PPP1R16B: variants seen among roughly 807,000 people sequenced by gnomAD.
The protein encoded by PPP1R16B is protein phosphatase 1 regulatory inhibitor subunit 16B.
In PPP1R16B, 14 loss-of-function variants were observed where a neutral mutation model predicts 61.7. The ratio of observed to expected loss-of-function variants is 0.23; its 90% CI spans 0.15 to 0.35. The LOEUF is 0.35. Among genes scored for constraint, PPP1R16B ranks in the 10% least tolerant of loss-of-function variants. The pLI, the probability that PPP1R16B is intolerant of heterozygous loss-of-function variation, is 1.00. For synonymous variants in PPP1R16B, 266 were observed against 305.3 expected, an observed-to-expected ratio of 0.87 and a Z score of 1.34; for missense variants, 547 against 752.5, an observed-to-expected ratio of 0.73 and a Z score of 3.19.
intron 1 of PPP1R16B, among the ~76,000 whole-genome samples, chr20:38,807,642 T>C (rs1055786326): frequency 1.3e-5 from 2 of 152,136 alleles, no homozygotes; most frequent in Non-Finnish European, 2.9e-5. Context: ...CTCTCCCACC[T>C]GTCACCCAAA....
intron 1 of PPP1R16B, among the ~76,000 whole-genome samples, chr20:38,810,846 A>G (rs2084696244): frequency 6.6e-6 from 1 of 152,050 alleles, no homozygotes; most frequent in Admixed American, 6.6e-5. Context: ...AGTGACAGGA[A>G]CTCACGTCTT....
intron 1 of PPP1R16B, among the ~76,000 whole-genome samples, chr20:38,828,213 G>T (rs1213605580): frequency 6.6e-6 from 1 of 152,140 alleles, no homozygotes; most frequent in Non-Finnish European, 1.5e-5. Context: ...ACAAAGCCTG[G>T]GCCCGCTTCT....
At chr20:38,916,993 A>G (rs1046718598) in intron 10 of PPP1R16B, among the ~76,000 whole-genome samples, 3 of 152,138 alleles carry the variant, frequency 2.0e-5, no homozygotes, top group African/African-American at 7.2e-5. Flanking sequence ...TTGGGTAGAT[A>G]GGCTTTTAAA....
At chr20:38,865,359 G>A (rs938451503) in intron 2 of PPP1R16B, among the ~76,000 whole-genome samples, 1 of 149,936 alleles carries the variant, frequency 6.7e-6, no homozygotes, top group East Asian at 2.0e-4. Context: ...GCGCGATCTC[G>A]GCTCACTGCG....
chr20:38,918,170 A>G lies in PPP1R16B; in HGVS notation c.1208A>G (p.Glu403Gly). ...TCTCACTCGCAGAACCCCAGGCTGG[A>G]GAAGCCCGTGCTACTCTCCGAATTT... is the stretch of plus-strand genomic sequence containing the variant. ...QENKDPNPRL[E>G]KPVLLSEFPT... The change falls in exon 11 of 11, where the codon GAG becomes GGG. Residue 403 changes from glutamate (E) to glycine (G), a missense_variant. Glu to Gly is a moderately conservative substitution (Grantham distance 98). Transcript: ENST00000299824. The surrounding 1 kb of genome is among the most constrained non-coding windows in gnomAD (Gnocchi z 5.3). 1.2e-6 allele frequency: 2 copies of G among 1,613,882 alleles called. No individual in the cohort carries two copies. The highest frequency in any genetic ancestry group is 8.5e-7 in the Non-Finnish European group (1 of 1,179,754).
rs371909606 is a variant in PPP1R16B at position 38,869,950 on chromosome 20, G to T, written c.251-19645G>T. Among the ~76,000 whole-genome samples the T allele has an allele frequency of 1.7e-4, 26 of 151,396 alleles. No homozygotes were observed. In the East Asian group the frequency reaches 3.5e-3, roughly 20 times the overall value. ...TATTTTTTTTTTTTTTTAAGACACG[G>T]TCTCTCTCTGTCGCCCAGGCTGGAA... On this transcript the variant is annotated intron_variant, in intron 2 of 10. Coordinates refer to ENST00000299824, the MANE Select transcript of PPP1R16B (RefSeq NM_015568.4).
chr20:38,828,817 C>T (rs887816709), intron 1 of PPP1R16B, among the ~76,000 whole-genome samples: 3 of 152,212 alleles, frequency 2.0e-5, no homozygotes, highest in Non-Finnish European at 4.4e-5. Context: ...AGATCACCAC[C>T]AAACCAGTGC....
chr20:38,856,043 T>C (rs536033861), intron 2 of PPP1R16B, among the ~76,000 whole-genome samples: 1 of 145,576 alleles, frequency 6.9e-6, no homozygotes, highest in East Asian at 2.1e-4. Context: ...CCCTTGATGG[T>C]TCCAAACTGA....
intron 1 of PPP1R16B, among the ~76,000 whole-genome samples, chr20:38,808,093 C>A (rs1326967151): frequency 1.3e-5 from 2 of 152,194 alleles, no homozygotes; most frequent in South Asian, 2.1e-4. Flanking sequence ...AAGCCAGAAC[C>A]TTTCTCCTTT....
intron 2 of PPP1R16B, among the ~76,000 whole-genome samples, chr20:38,858,356 G>C (rs2085022829): frequency 6.6e-6 from 1 of 151,892 alleles, no homozygotes; most frequent in African/African-American, 2.4e-5. Flanking sequence ...TTTGTGTCCT[G>C]GGTGGACACA....
intron 10 of PPP1R16B, among the ~76,000 whole-genome samples, chr20:38,909,816 G>A (rs1410232011): frequency 6.6e-6 from 1 of 152,198 alleles, no homozygotes; most frequent in African/African-American, 2.4e-5. Context: ...AGGGCACGTA[G>A]GGAAGATTTG....
chr20:38,863,040 C>T (rs1046900042), intron 2 of PPP1R16B, among the ~76,000 whole-genome samples: 15 of 152,134 alleles, frequency 9.9e-5, no homozygotes, highest in African/African-American at 2.4e-4. Context: ...TGGAGACCAT[C>T]GTGGTGCTGG....
At position 38,861,837 on chromosome 20, in the gene PPP1R16B, C is replaced by T. The variant is rs138400203; in HGVS notation, c.250+25662C>T. 3.0e-3 allele frequency among the ~76,000 whole-genome samples: 454 copies of T among 151,760 alleles called. 2 individuals are homozygous for T. Among genetic ancestry groups the T allele is most frequent in the African/African-American group, 0.01 (430 of 41,356 alleles). ...GATTACAGGAGCCTGCCACCGTGCC[C>T]GGCTAATTTTTGTATTTTTAGTAGA... On this transcript the variant is annotated intron_variant, in intron 2 of 10. Transcript: ENST00000299824.
chr20:38,812,178 G>T (rs1042750288), intron 1 of PPP1R16B, among the ~76,000 whole-genome samples: 2 of 152,184 alleles, frequency 1.3e-5, no homozygotes, highest in African/African-American at 4.8e-5. Flanking sequence ...CCAAGCAGGT[G>T]CTTGGGGGCC....
In PPP1R16B at chr20:38,907,311, GTGGATGGATGGATGGA is replaced by G. The variant is rs11470382; in HGVS notation, c.898+279_898+294del. 0.021 allele frequency among the ~76,000 whole-genome samples: 3,124 copies of G among 150,664 alleles called. 121 individuals are homozygous for G. The highest frequency in any genetic ancestry group is 0.073 in the African/African-American group (2,980 of 40,822). ...TCTGGTTGAATGGATGGGTGGGTGGGTGGATGGATGGATGGATGGATGGATGGATGGATGGATAGAC... is the reference window on the plus strand; with the variant it reads ...TCTGGTTGAATGGATGGGTGGGTGGGTGGATGGATGGATGGATGGATAGAC... On this transcript the variant is annotated intron_variant, in intron 8 of 10. Transcript: ENST00000299824. This position sits in a 1 kb window ranked among gnomAD's most constrained non-coding sequence, Gnocchi z 4.5.
At chr20:38,900,915 G>A (rs1009597734) in intron 5 of PPP1R16B, among the ~76,000 whole-genome samples, 1 of 152,214 alleles carries the variant, frequency 6.6e-6, no homozygotes, top group Admixed American at 6.5e-5. Flanking sequence ...TCTCATTCGT[G>A]TCACCCACAC....
At chr20:38,855,614 A>G (rs2084998566) in intron 2 of PPP1R16B, among the ~76,000 whole-genome samples, 1 of 151,946 alleles carries the variant, frequency 6.6e-6, no homozygotes, top group Non-Finnish European at 1.5e-5. Flanking sequence ...CCCAGCTTTC[A>G]GGAGAAAACA....
At chr20:38,886,627 C>G (rs749912293) in intron 2 of PPP1R16B, among the ~76,000 whole-genome samples, 2 of 152,258 alleles carry the variant, frequency 1.3e-5, no homozygotes, top group Non-Finnish European at 2.9e-5. Flanking sequence ...TTGCCATAAT[C>G]TCCTACATGG....
chr20:38,824,732 A>T lies in PPP1R16B; in HGVS notation c.-101-11093A>T, dbSNP rs189177981. Among the ~76,000 whole-genome samples, 60 of 152,376 alleles carry T rather than the reference A, an allele frequency of 3.9e-4. No individual in the cohort carries two copies. The East Asian group carries it at 0.01, about 26-fold the overall frequency. ...TGAACAAACTATATGAAAAGTTTTTAAAAATTCCCATCCCAGGCTGGGCAT... is the reference window on the plus strand; with the variant it reads ...TGAACAAACTATATGAAAAGTTTTTTAAAATTCCCATCCCAGGCTGGGCAT... On this transcript the variant is annotated intron_variant, in intron 1 of 10. Transcript: ENST00000299824.
Sources: allele counts gnomAD v4.1 joint callset (sites outside exome capture counted in the v4.1 genomes callset), GRCh38; gene constraint gnomAD v4.1.1; non-coding constraint Gnocchi (gnomAD v3.1); transcripts MANE v1.5; gene names NCBI Gene and HGNC (gene_info 2026-07-23, HGNC 2026-07-21).